Variants in BCAS4 observed in about 807,000 individuals in gnomAD.
BCAS4 encodes the protein breast carcinoma amplified sequence 4, also known as breast carcinoma-amplified sequence 4.
A neutral mutation model predicts 15.7 loss-of-function variants in BCAS4; 9 were observed. That is an observed-to-expected ratio of 0.57 (90% CI 0.34 to 1.00). The LOEUF (loss-of-function observed/expected upper bound fraction) is 1.00. Ranked by LOEUF, BCAS4 falls within the 50% of genes least tolerant of loss-of-function variation. The pLI is 0.02. For synonymous variants in BCAS4, 101 were observed against 99.5 expected (o/e 1.02, Z -0.09); for missense variants, 225 against 239.1 (o/e 0.94, Z 0.39).
chr20:50,826,405 A>G (rs1196450109), intron 2 of BCAS4, among the ~76,000 whole-genome samples: 1 of 152,210 alleles, frequency 6.6e-6, no homozygotes, highest in African/African-American at 2.4e-5. Context: ...ACTCAGGCCC[A>G]TCATTGCCAA....
Position 50,813,806 on chromosome 20 carries a change from A to G in BCAS4, c.91-4405A>G, listed in dbSNP as rs1301943391. ...TGAGAAGCGGGGATGTGGGAAAAAA[A>G]AGTGAAAACCATGATTCGCAGGTGT... On this transcript the variant is annotated intron_variant, in intron 1 of 4. Coordinates refer to ENST00000371608, the MANE Select transcript of BCAS4 (RefSeq NM_198799.4). 2.0e-5 allele frequency among the ~76,000 whole-genome samples: 3 copies of G among 150,804 alleles called. No homozygotes were observed. The East Asian group carries it at 5.8e-4, about 29-fold the overall frequency.
chr20:50,855,793 T>C (rs757913758), intron 4 of BCAS4, among the ~76,000 whole-genome samples: 10 of 152,236 alleles, frequency 6.6e-5, no homozygotes, highest in Non-Finnish European at 1.5e-4. Context: ...ACGTGGGAAC[T>C]GTTAGTAACA....
At chr20:50,797,766 A>C (rs925617358) in intron 1 of BCAS4, among the ~76,000 whole-genome samples, 4 of 151,986 alleles carry the variant, frequency 2.6e-5, no homozygotes, top group South Asian at 2.1e-4. Flanking sequence ...CCTGGGTTCA[A>C]ACGATTCTCC....
intron 4 of BCAS4, 94 bp downstream of exon 4, chr20:50,841,994 A>AG (rs926847194): frequency 1.2e-4 from 170 of 1,407,964 alleles, no homozygotes; most frequent in Non-Finnish European, 1.5e-4. Flanking sequence ...AGCAGAGTTC[A>AG]GGGGGGCACA....
intron 3 of BCAS4, among the ~76,000 whole-genome samples, chr20:50,839,393 A>G (rs940171481): frequency 6.6e-6 from 1 of 152,132 alleles, no homozygotes; most frequent in Non-Finnish European, 1.5e-5. Flanking sequence ...TATTGCTAAC[A>G]TTGAATAAAA....
intron 2 of BCAS4, among the ~76,000 whole-genome samples, chr20:50,827,458 T>C (rs1233856049): frequency 2.0e-5 from 3 of 152,222 alleles, no homozygotes; most frequent in Non-Finnish European, 4.4e-5. Context: ...CATTTCCCCC[T>C]TTCCAGACCC....
intron 1 of BCAS4, among the ~76,000 whole-genome samples, chr20:50,811,748 G>T (rs1055624105): frequency 6.6e-6 from 1 of 152,050 alleles, no homozygotes; most frequent in Non-Finnish European, 1.5e-5. Flanking sequence ...TCAGCCTCCC[G>T]AGTAGTTGGG....
chr20:50,857,327 C>G (rs780148963), intron 4 of BCAS4, among the ~76,000 whole-genome samples: 7 of 152,146 alleles, frequency 4.6e-5, no homozygotes, highest in Non-Finnish European at 1.0e-4. Flanking sequence ...GACGGGGTTT[C>G]TCCATGCTGG....
intron 4 of BCAS4, among the ~76,000 whole-genome samples, chr20:50,868,547 T>C (rs977789181): frequency 6.6e-6 from 1 of 152,158 alleles, no homozygotes; most frequent in African/African-American, 2.4e-5. Context: ...CTCGGCCTCC[T>C]GAGTAGCTGG....
At chr20:50,796,069 CAG>C (rs905444031) in intron 1 of BCAS4, among the ~76,000 whole-genome samples, 1 of 151,448 alleles carries the variant, frequency 6.6e-6, no homozygotes, top group African/African-American at 2.4e-5. Context: ...GCCTGGGCGA[CAG>C]AGTGAGACAT....
At chr20:50,846,360 A>G (rs1568674757) in intron 4 of BCAS4, among the ~76,000 whole-genome samples, 1 of 152,174 alleles carries the variant, frequency 6.6e-6, no homozygotes, top group Non-Finnish European at 1.5e-5. Flanking sequence ...ACAGCCAGGC[A>G]CAGTGGCTTC....
chr20:50,872,706 C>T (rs1425310478), intron 4 of BCAS4, among the ~76,000 whole-genome samples: 1 of 152,276 alleles, frequency 6.6e-6, no homozygotes, highest in African/African-American at 2.4e-5. Context: ...AGAGGAAACA[C>T]CTGAGCTTCC....
intron 2 of BCAS4, among the ~76,000 whole-genome samples, chr20:50,820,868 C>G (rs548770236): frequency 8.5e-5 from 13 of 152,146 alleles, no homozygotes; most frequent in Non-Finnish European, 1.8e-4. Flanking sequence ...CCCACAGGTC[C>G]AATCCTGCCT....
intron 2 of BCAS4, among the ~76,000 whole-genome samples, chr20:50,818,683 C>A (rs111534175): frequency 6.6e-6 from 1 of 152,220 alleles, no homozygotes; most frequent in Admixed American, 6.5e-5. Flanking sequence ...GAAATGGCTT[C>A]AGGCCTGCGA....
At chr20:50,864,832 G>A (rs1212446616) in intron 4 of BCAS4, among the ~76,000 whole-genome samples, 1 of 152,024 alleles carries the variant, frequency 6.6e-6, no homozygotes, top group Non-Finnish European at 1.5e-5. Context: ...AGTGGCTCAT[G>A]CCTGTAATTC....
chr20:50,874,604 A>G (rs969935275), intron 4 of BCAS4, among the ~76,000 whole-genome samples: 1 of 152,214 alleles, frequency 6.6e-6, no homozygotes, highest in Non-Finnish European at 1.5e-5. Flanking sequence ...CTCAGTGCAC[A>G]GGACAGGGCT....
intron 2 of BCAS4, 117 bp downstream of exon 2, chr20:50,818,399 C>A: frequency 1.0e-6 from 1 of 967,346 alleles, no homozygotes; most frequent in Non-Finnish European, 1.6e-6. Context: ...AATGGGGCAG[C>A]GGCCAGCGCT....
chr20:50,835,545 A>G (rs187549621), intron 3 of BCAS4, among the ~76,000 whole-genome samples: 45 of 152,030 alleles, frequency 3.0e-4, no homozygotes, highest in Admixed American at 2.0e-4. Context: ...TGCCTGGCCT[A>G]CTATAAGTTT....
chr20:50,818,787 T>C (rs1007040114), intron 2 of BCAS4, among the ~76,000 whole-genome samples: 5 of 152,194 alleles, frequency 3.3e-5, no homozygotes, highest in African/African-American at 7.2e-5. Flanking sequence ...TGCTTTTACC[T>C]CCTACTCTGT....
Sources: allele counts gnomAD v4.1 joint callset (sites outside exome capture counted in the v4.1 genomes callset), GRCh38; gene constraint gnomAD v4.1.1; transcripts MANE v1.5; gene names NCBI Gene and HGNC (gene_info 2026-07-23, HGNC 2026-07-21).